The following TLE1 variants were observed in gnomAD, a reference collection of about 807,000 sequenced individuals.
TLE1 encodes the protein TLE family member 1, transcriptional corepressor.
A neutral mutation model predicts 89.8 loss-of-function variants in TLE1; 21 were observed. The observed-to-expected ratio is 0.23, with a 90% CI of 0.17 to 0.34. TLE1 has a LOEUF of 0.34. TLE1 is among the 10% of genes least tolerant of loss of function. The pLI, the probability that TLE1 is intolerant of heterozygous loss-of-function variation, is 1.00. For missense variants in TLE1, 795 were observed against 1,031.2 expected, an observed-to-expected ratio of 0.77 and a Z score of 3.14; for synonymous variants, 447 against 407.6, an observed-to-expected ratio of 1.10 and a Z score of -1.16.
intron 4 of TLE1, among the ~76,000 whole-genome samples, chr9:81,667,446 A>G (rs985671261): frequency 2.0e-5 from 3 of 151,870 alleles, no homozygotes; most frequent in Non-Finnish European, 4.4e-5. Context: ...TCCCTAACAC[A>G]TTTAAATCTT....
chr9:81,633,966 T>G, intron 7 of TLE1, 131 bp downstream of exon 7: 1 of 1,059,802 alleles, frequency 9.4e-7, no homozygotes, highest in Non-Finnish European at 1.3e-6. Flanking sequence ...GTGGAAAGCT[T>G]TGCGACAGTT....
chr9:81,657,787 A>T (rs1216646882), intron 4 of TLE1, among the ~76,000 whole-genome samples: 1 of 152,110 alleles, frequency 6.6e-6, no homozygotes. Flanking sequence ...ATACACTTTA[A>T]ATCATCTCCA....
At chr9:81,668,939 T>G (rs1332124909) in intron 4 of TLE1, among the ~76,000 whole-genome samples, 11 of 152,178 alleles carry the variant, frequency 7.2e-5, no homozygotes, top group African/African-American at 2.4e-4. Flanking sequence ...TCCTGTGTGT[T>G]TTTAGAAAAC....
intron 6 of TLE1, among the ~76,000 whole-genome samples, chr9:81,641,820 T>G (rs1227232148): frequency 6.6e-6 from 1 of 152,096 alleles, no homozygotes; most frequent in African/African-American, 2.4e-5. Flanking sequence ...TTTGGGAGTT[T>G]GAGACCAGCC....
rs373236831 is a variant in TLE1 at position 81,590,950 on chromosome 9, G to A, written c.1684C>T (p.Pro562Ser). ...AGCTCCGCCTTGATGCGCGGGGTTG[G>A]AGCCGCCAGGTCCCAAATGGACAAA... ...STLSIWDLAA[P>S]TPRIKAELTS... The change falls in exon 16 of 20, where the codon CCA becomes TCA. Residue 562 changes from proline to serine, a missense_variant. Around this residue, in one of 4 missense-constraint regions of TLE1, gnomAD observed 214 missense variants for 354.9 expected, o/e 0.60. Transcript: ENST00000376499. The A allele has an allele frequency of 5.0e-6, 8 of 1,614,140 alleles. No individual in the cohort carries two copies. The Admixed American group carries it at 6.7e-5, about 13-fold the overall frequency.
chr9:81,612,630 C>G (rs904806159), intron 12 of TLE1, among the ~76,000 whole-genome samples: 1 of 152,116 alleles, frequency 6.6e-6, no homozygotes, highest in Non-Finnish European at 1.5e-5. Flanking sequence ...GCAAGGAGCA[C>G]GGTTGGGCCA....
At chr9:81,671,279 T>G (rs1832189797) in intron 4 of TLE1, among the ~76,000 whole-genome samples, 1 of 152,050 alleles carries the variant, frequency 6.6e-6, no homozygotes, top group South Asian at 2.1e-4. Flanking sequence ...TTTGGAAGGC[T>G]GAAGCGGGCG....
intron 4 of TLE1, among the ~76,000 whole-genome samples, chr9:81,656,504 A>T (rs1830165868): frequency 6.6e-6 from 1 of 152,236 alleles, no homozygotes; most frequent in Non-Finnish European, 1.5e-5. Flanking sequence ...ACAGAAATAT[A>T]AAAGAAAGTT....
At chr9:81,586,223 C>T (rs1828425519) in intron 17 of TLE1, among the ~76,000 whole-genome samples, 1 of 152,016 alleles carries the variant, frequency 6.6e-6, no homozygotes, top group African/African-American at 2.4e-5. Context: ...TTCACCGTGC[C>T]AGCCAGGATG....
chr9:81,616,242 G>T, intron 10 of TLE1, 108 bp from the exon 11 acceptor site: 1 of 1,405,102 alleles, frequency 7.1e-7, no homozygotes. Flanking sequence ...AGTCCTTCGG[G>T]TTGGGGTTGT....
chr9:81,600,517 A>T, intron 14 of TLE1, among the ~76,000 whole-genome samples: 1 of 152,244 alleles, frequency 6.6e-6, no homozygotes, highest in Non-Finnish European at 1.5e-5. Flanking sequence ...ATTTCAAAAA[A>T]TTAAGCTACA....
chr9:81,672,378 G>A (rs540264483), intron 4 of TLE1, among the ~76,000 whole-genome samples: 11 of 151,468 alleles, frequency 7.3e-5, no homozygotes, highest in Admixed American at 2.0e-4. Flanking sequence ...TTTTTGCCCA[G>A]GCTGGAGTGT....
chr9:81,680,692 T>C (rs542272624), intron 4 of TLE1, among the ~76,000 whole-genome samples: 2 of 152,174 alleles, frequency 1.3e-5, no homozygotes, highest in South Asian at 2.1e-4. Context: ...AGGCTCTAAA[T>C]GCAGAGAGCT....
chr9:81,608,757 T>G lies in TLE1; in HGVS notation c.1331+1463A>C, dbSNP rs952522124. 2.0e-5 allele frequency among the ~76,000 whole-genome samples: 3 copies of G among 151,838 alleles called. No homozygotes were observed. In the South Asian group the frequency reaches 6.2e-4, roughly 32 times the overall value. On this transcript the variant is annotated intron_variant, in intron 14 of 19. Coordinates refer to ENST00000376499, the MANE Select transcript of TLE1 (RefSeq NM_005077.5). ...TTCAAAACCAGCCTGACCAATATGA[T>G]GAAACCCCATCTCTACTAAAAATAC...
intron 4 of TLE1, among the ~76,000 whole-genome samples, chr9:81,684,933 G>A (rs1254752118): frequency 6.6e-6 from 1 of 152,142 alleles, no homozygotes; most frequent in Non-Finnish European, 1.5e-5. Context: ...GGTCCTTAGT[G>A]CCTTGTTCCA....
chr9:81,633,312 T>A (rs777829206), intron 8 of TLE1, 36 bp downstream of exon 8: 4 of 1,604,504 alleles, frequency 2.5e-6, no homozygotes, highest in African/African-American at 1.4e-5. Context: ...TGTGTGTGTG[T>A]GTGTGTGTGT....
At chr9:81,684,868 A>G (rs1834068257) in intron 4 of TLE1, among the ~76,000 whole-genome samples, 1 of 152,062 alleles carries the variant, frequency 6.6e-6, no homozygotes. Flanking sequence ...GACAATGACT[A>G]CTCAATCGAG....
chr9:81,681,348 C>T (rs886900647), intron 4 of TLE1, among the ~76,000 whole-genome samples: 1 of 151,974 alleles, frequency 6.6e-6, no homozygotes, highest in African/African-American at 2.4e-5. Flanking sequence ...GTCAGGAGTT[C>T]GAGACCAGCC....
chr9:81,658,750 C>A lies in TLE1; in HGVS notation c.235-4714G>T, dbSNP rs1830429388. ...CTCTCCAAGAGGACTTCATGAACAT[C>A]TTCCCTTCAAATAGTCTGGATTGCA... On this transcript the variant is annotated intron_variant, in intron 4 of 19. Transcript: ENST00000376499. Among the ~76,000 whole-genome samples the A allele has an allele frequency of 3.3e-5, 5 of 152,274 alleles. 1 individual carries two copies. Among genetic ancestry groups the A allele is most frequent in the South Asian group, 4.1e-4 (2 of 4,828 alleles).
Sources: gnomAD v4.1 joint callset for allele counts (sites outside exome capture counted in the v4.1 genomes callset) on GRCh38, gnomAD v4.1.1 for gene constraint, gnomAD v4.1.1 regional missense constraint, MANE v1.5 for transcripts, NCBI Gene and HGNC (gene_info 2026-07-23, HGNC 2026-07-21) for gene names.